The following LHFPL3 variants were observed in gnomAD, a reference collection of about 807,000 sequenced individuals.
LHFPL3 encodes LHFPL tetraspan subfamily member 3 protein.
In LHFPL3, 5 loss-of-function variants were observed where a neutral mutation model predicts 19.3. The ratio of observed to expected loss-of-function variants is 0.26; its 90% CI spans 0.14 to 0.54. The LOEUF is 0.54. LHFPL3 is among the 20% of genes least tolerant of loss of function. The pLI, the probability that LHFPL3 is intolerant of heterozygous loss-of-function variation, is 0.94. For synonymous variants in LHFPL3, 133 were observed against 126.2 expected (o/e 1.05, Z -0.36); for missense variants, 249 against 307.4 (o/e 0.81, Z 1.42).
At chr7:104,590,797 T>A (rs906963200) in intron 1 of LHFPL3, among the ~76,000 whole-genome samples, 1 of 152,148 alleles carries the variant, frequency 6.6e-6, no homozygotes, top group African/African-American at 2.4e-5. Flanking sequence ...CTGGGTGCTC[T>A]TGTATTGGGT....
At chr7:104,595,460 A>G (rs1282984938) in intron 1 of LHFPL3, among the ~76,000 whole-genome samples, 1 of 152,170 alleles carries the variant, frequency 6.6e-6, no homozygotes, top group Non-Finnish European at 1.5e-5. Context: ...AGCTGCCTAT[A>G]TGAGATGTCT....
chr7:104,841,634 C>T (rs574907419), intron 2 of LHFPL3, among the ~76,000 whole-genome samples: 3 of 151,766 alleles, frequency 2.0e-5, no homozygotes, highest in South Asian at 2.1e-4. Context: ...TTCTTTGCTC[C>T]GTCTGTGAAT....
intron 2 of LHFPL3, among the ~76,000 whole-genome samples, chr7:104,890,371 T>C (rs1488880669): frequency 6.6e-6 from 1 of 152,216 alleles, no homozygotes; most frequent in Non-Finnish European, 1.5e-5. Flanking sequence ...TTACTGGTCC[T>C]GTGCATCTTA....
chr7:104,828,340 C>T (rs1286161077), intron 2 of LHFPL3, among the ~76,000 whole-genome samples: 1 of 151,954 alleles, frequency 6.6e-6, no homozygotes, highest in Non-Finnish European at 1.5e-5. Flanking sequence ...CAGGAGGATA[C>T]TACCTGCCCA....
intron 2 of LHFPL3, among the ~76,000 whole-genome samples, chr7:104,740,913 C>A (rs575228639): frequency 6.6e-6 from 1 of 152,066 alleles, no homozygotes; most frequent in Admixed American, 6.6e-5. Context: ...TCCCAACATT[C>A]CACCTAATGG....
At chr7:104,372,059 C>T (rs908417669) in intron 1 of LHFPL3, among the ~76,000 whole-genome samples, 1 of 152,140 alleles carries the variant, frequency 6.6e-6, no homozygotes, top group Non-Finnish European at 1.5e-5. Context: ...CTTTTGGAAC[C>T]ATTGCCTTTT....
At chr7:104,423,098 G>T (rs1299622979) in intron 1 of LHFPL3, among the ~76,000 whole-genome samples, 1 of 152,144 alleles carries the variant, frequency 6.6e-6, no homozygotes, top group Admixed American at 6.5e-5. Flanking sequence ...AGTGCATAAG[G>T]TCAGTGTGTC....
Position 104,491,280 on chromosome 7 carries a change from A to T in LHFPL3, c.445+162056A>T, listed in dbSNP as rs7811156. ...ACAACTGGGGGAAACTGAATGGAAA[A>T]TGATAACTTTTGGGCAAGCTTTAGG... On this transcript the variant is annotated intron_variant, in intron 1 of 2. Transcript: ENST00000424859. Among the ~76,000 whole-genome samples, 1,162 of 152,278 alleles carry T rather than the reference A, an allele frequency of 7.6e-3. 14 individuals carry two copies. The highest frequency in any genetic ancestry group is 0.024 in the African/African-American group (997 of 41,550).
At chr7:104,392,310 T>C (rs1389721989) in intron 1 of LHFPL3, among the ~76,000 whole-genome samples, 12 of 151,950 alleles carry the variant, frequency 7.9e-5, no homozygotes, top group African/African-American at 2.7e-4. Context: ...CAGTATGATA[T>C]TGGCTGTGGG....
At chr7:104,471,327 T>A (rs765402121) in intron 1 of LHFPL3, among the ~76,000 whole-genome samples, 2 of 152,180 alleles carry the variant, frequency 1.3e-5, no homozygotes, top group Admixed American at 1.3e-4. Flanking sequence ...CAATAGTCAG[T>A]TGTGGGATGG....
chr7:104,593,553 GT>G (rs1405623065), intron 1 of LHFPL3, among the ~76,000 whole-genome samples: 1 of 152,138 alleles, frequency 6.6e-6, no homozygotes, highest in Non-Finnish European at 1.5e-5. Flanking sequence ...TGTCTATTAG[GT>G]CTGCTTGGTG....
chr7:104,493,394 A>AAAT (rs1347999926), intron 1 of LHFPL3, among the ~76,000 whole-genome samples: 1 of 151,214 alleles, frequency 6.6e-6, no homozygotes, highest in Non-Finnish European at 1.5e-5. Flanking sequence ...CTAGTATCAG[A>AAAT]GTTTCATTGT....
chr7:104,787,411 C>T (rs1169994859), intron 2 of LHFPL3, among the ~76,000 whole-genome samples: 1 of 152,196 alleles, frequency 6.6e-6, no homozygotes, highest in Admixed American at 6.5e-5. Flanking sequence ...TTATAAACAA[C>T]AGAAACTTAT....
At chr7:104,558,446 T>C (rs1456484930) in intron 1 of LHFPL3, among the ~76,000 whole-genome samples, 1 of 152,128 alleles carries the variant, frequency 6.6e-6, no homozygotes, top group East Asian at 1.9e-4. Context: ...TGAGCATTTT[T>C]TCATGTGTTT....
At chr7:104,780,054 C>T (rs1439335259) in intron 2 of LHFPL3, among the ~76,000 whole-genome samples, 2 of 152,224 alleles carry the variant, frequency 1.3e-5, no homozygotes, top group African/African-American at 4.8e-5. Context: ...TCCCTTCATC[C>T]ACAAGCTTGT....
intron 1 of LHFPL3, among the ~76,000 whole-genome samples, chr7:104,598,337 A>T (rs973222930): frequency 6.6e-6 from 1 of 152,240 alleles, no homozygotes; most frequent in Non-Finnish European, 1.5e-5. Context: ...AGCTGCCTAC[A>T]AGAGCAGAGC....
chr7:104,413,931 GATTA>G (rs1791576157), intron 1 of LHFPL3, among the ~76,000 whole-genome samples: 2 of 152,120 alleles, frequency 1.3e-5, no homozygotes, highest in Non-Finnish European at 2.9e-5. Context: ...CCACTGGCCA[GATTA>G]ATTTATTTTC....
chr7:104,750,843 C>T (rs941473563), intron 2 of LHFPL3, among the ~76,000 whole-genome samples: 3 of 152,066 alleles, frequency 2.0e-5, no homozygotes, highest in African/African-American at 7.2e-5. Flanking sequence ...AGGCTGGCCC[C>T]TTTGCTCATT....
chr7:104,787,469 G>A (rs143461943), intron 2 of LHFPL3, among the ~76,000 whole-genome samples: 1,824 of 152,280 alleles, frequency 0.012, 29 homozygotes, highest in Admixed American at 0.024. Flanking sequence ...GGCACCAACA[G>A]ATATGGTGTC....
Sources: gnomAD v4.1 joint callset for allele counts (sites outside exome capture counted in the v4.1 genomes callset) on GRCh38, gnomAD v4.1.1 for gene constraint, MANE v1.5 for transcripts, NCBI Gene and HGNC (gene_info 2026-07-23, HGNC 2026-07-21) for gene names.